The following KCNK10 variants were observed in gnomAD, a reference collection of about 807,000 sequenced individuals.
The protein encoded by KCNK10 is potassium two pore domain channel subfamily K member 10, also known as potassium channel subfamily K member 10.
A neutral mutation model predicts 47.7 loss-of-function variants in KCNK10; 25 were observed. The ratio of observed to expected loss-of-function variants is 0.52; its 90% CI spans 0.38 to 0.73. The LOEUF (loss-of-function observed/expected upper bound fraction) is 0.73. KCNK10 is among the 30% of genes least tolerant of loss of function. The pLI is 0.00. For synonymous variants in KCNK10, 303 were observed against 285.6 expected, an observed-to-expected ratio of 1.06 and a Z score of -0.61; for missense variants, 563 against 714.5, an observed-to-expected ratio of 0.79 and a Z score of 2.42.
intron 1 of KCNK10, among the ~76,000 whole-genome samples, chr14:88,312,814 G>C (rs1261670663): frequency 6.6e-6 from 1 of 152,140 alleles, no homozygotes; most frequent in Non-Finnish European, 1.5e-5. Context: ...AATACAAAAA[G>C]TTTGGACTGA....
intron 1 of KCNK10, among the ~76,000 whole-genome samples, chr14:88,294,936 T>C (rs1478266333): frequency 1.3e-5 from 2 of 152,230 alleles, no homozygotes; most frequent in Non-Finnish European, 2.9e-5. Context: ...TTCATGAATA[T>C]TCTAATTCTC....
At chr14:88,225,370 GC>G (rs1885949898) in intron 4 of KCNK10, among the ~76,000 whole-genome samples, 1 of 152,134 alleles carries the variant, frequency 6.6e-6, no homozygotes. Flanking sequence ...CTTTGATGGT[GC>G]TGCAAGGAGC....
rs536244263 is a variant in KCNK10 at position 88,241,141 on chromosome 14, A to G, written c.403-321T>C. Among the ~76,000 whole-genome samples the G allele has an allele frequency of 1.1e-4, 17 of 152,362 alleles. No individual in the cohort carries two copies. The South Asian group carries it at 3.5e-3, about 32-fold the overall frequency. On this transcript the variant is annotated intron_variant, in intron 2 of 6. Transcript: ENST00000319231. ...TTCTGTGCATATACACACACAAAAA[A>G]TGTCTAGAAGAATGTTCACCCAAAG...
intron 3 of KCNK10, among the ~76,000 whole-genome samples, chr14:88,230,586 C>A (rs1261403112): frequency 6.6e-6 from 1 of 152,156 alleles, no homozygotes; most frequent in African/African-American, 2.4e-5. Flanking sequence ...AGTGTGCTTT[C>A]TTATTATGGT....
rs182150210 is a variant in KCNK10 at position 88,313,865 on chromosome 14, T to C, written c.52+8882A>G. The stretch of plus-strand genomic sequence containing the variant: ...TGCATGATGACTCTCTAGGAATGAC[T>C]GAGCACGTATCATCCTGCAAACTGA... On this transcript the variant is annotated intron_variant, in intron 1 of 6. Transcript: ENST00000319231. Among the ~76,000 whole-genome samples the C allele has an allele frequency of 1.9e-3, 282 of 152,380 alleles. 2 individuals carry two copies. Among genetic ancestry groups the C allele is most frequent in the African/African-American group, 6.5e-3 (270 of 41,580 alleles).
chr14:88,210,533 A>G (rs1193051016), intron 4 of KCNK10, among the ~76,000 whole-genome samples: 1 of 152,250 alleles, frequency 6.6e-6, no homozygotes, highest in African/African-American at 2.4e-5. Flanking sequence ...TGGAAACTGG[A>G]TGTCATCCGT....
At chr14:88,281,837 T>A (rs958490794) in intron 1 of KCNK10, among the ~76,000 whole-genome samples, 1 of 151,412 alleles carries the variant, frequency 6.6e-6, no homozygotes, top group African/African-American at 2.4e-5. Flanking sequence ...CATTTGTGTG[T>A]GTGTGTGTGT....
Position 88,185,872 on chromosome 14 carries a change from C to T in KCNK10, c.1295G>A (p.Gly432Glu), listed in dbSNP as rs756477604. 1.1e-5 allele frequency: 18 copies of T among 1,614,088 alleles called. No individual in the cohort carries two copies. In the South Asian group the frequency reaches 1.9e-4, roughly 17 times the overall value. ...CCCATGCTTGTTCAGCTGCTCCGGCCCCTTCAGGCGCAGGTTGTTGGGCCG... is the reference window on the plus strand; with the variant it reads ...CCCATGCTTGTTCAGCTGCTCCGGCTCCTTCAGGCGCAGGTTGTTGGGCCG... Reference protein sequence around the residue: ...NNRPNNLRLKGPEQLNKHGQG... With the variant: ...NNRPNNLRLKEPEQLNKHGQG... Residue 432 changes from glycine to glutamate, a missense_variant, in exon 7 of 7, where the codon GGG becomes GAG. By Grantham distance (98) the Gly-to-Glu change is moderately conservative. Transcript: ENST00000319231. The surrounding 1 kb of genome is among the most constrained non-coding windows in gnomAD (Gnocchi z 4.3).
chr14:88,238,037 T>C (rs1473725641), intron 3 of KCNK10, among the ~76,000 whole-genome samples: 1 of 152,244 alleles, frequency 6.6e-6, no homozygotes, highest in Non-Finnish European at 1.5e-5. Context: ...GCCACTTTCT[T>C]AGCTAGACCT....
chr14:88,201,100 C>T (rs149714022), intron 4 of KCNK10, among the ~76,000 whole-genome samples: 11 of 152,318 alleles, frequency 7.2e-5, no homozygotes, highest in Non-Finnish European at 5.9e-5. Flanking sequence ...TGAACTTGGA[C>T]TTCACATACA....
At chr14:88,287,314 A>T (rs984468852) in intron 1 of KCNK10, among the ~76,000 whole-genome samples, 1 of 152,134 alleles carries the variant, frequency 6.6e-6, no homozygotes, top group Non-Finnish European at 1.5e-5. Context: ...GATTGCCACA[A>T]GTTCTTTTTT....
chr14:88,248,504 G>A (rs897036961), intron 2 of KCNK10, among the ~76,000 whole-genome samples: 4 of 152,220 alleles, frequency 2.6e-5, no homozygotes, highest in South Asian at 4.2e-4. Context: ...TGAGACAGGA[G>A]GATTGCTTGA....
upstream of KCNK10, chr14:88,326,448 A>G: frequency 6.2e-7 from 1 of 1,613,428 alleles, no homozygotes; most frequent in Non-Finnish European, 8.5e-7. Context: ...TGTGTAGAGA[A>G]AAAACATCCA....
At chr14:88,203,079 A>C (rs1885153647) in intron 4 of KCNK10, among the ~76,000 whole-genome samples, 1 of 152,150 alleles carries the variant, frequency 6.6e-6, no homozygotes, top group Non-Finnish European at 1.5e-5. Context: ...TTATATAAAG[A>C]AACAGGGACC....
intron 2 of KCNK10, among the ~76,000 whole-genome samples, chr14:88,242,258 G>C (rs1001685910): frequency 6.6e-6 from 1 of 152,192 alleles, no homozygotes; most frequent in Admixed American, 6.5e-5. Flanking sequence ...TCTTTCATCT[G>C]AGTTATTTCA....
chr14:88,286,809 G>C (rs912679903), intron 1 of KCNK10, among the ~76,000 whole-genome samples: 2 of 152,152 alleles, frequency 1.3e-5, no homozygotes, highest in African/African-American at 4.8e-5. Flanking sequence ...CCATGATTCA[G>C]TTACTTCCCA....
In KCNK10 at chr14:88,240,690, A is replaced by G. The variant is rs186021405; in HGVS notation, c.520+13T>C. On this transcript the variant is annotated intron_variant, in intron 3 of 6. Coordinates refer to ENST00000319231, the MANE Select transcript of KCNK10 (RefSeq NM_138317.3). Reference sequence around the variant, plus strand: ...ACCTGCAGAGGAAGAGATATTAGCAAACAAACGGGTACCTATGGTCGTAAT... The same window carrying G: ...ACCTGCAGAGGAAGAGATATTAGCAGACAAACGGGTACCTATGGTCGTAAT... 62 of 1,554,898 alleles carry G rather than the reference A, an allele frequency of 4.0e-5. No homozygotes were observed. In the East Asian group the frequency reaches 8.1e-4, roughly 20 times the overall value.
chr14:88,196,193 T>G (rs910256622), intron 4 of KCNK10, among the ~76,000 whole-genome samples: 19 of 152,194 alleles, frequency 1.2e-4, no homozygotes, highest in Admixed American at 1.2e-3. Flanking sequence ...ATACAAACTA[T>G]AGGAATTTTT....
At chr14:88,219,841 C>T (rs1056648966) in intron 4 of KCNK10, among the ~76,000 whole-genome samples, 12 of 152,112 alleles carry the variant, frequency 7.9e-5, no homozygotes, top group African/African-American at 2.4e-4. Context: ...CAGTGGATGC[C>T]GATGCCGATG....
Sources: allele counts gnomAD v4.1 joint callset (sites outside exome capture counted in the v4.1 genomes callset), GRCh38; gene constraint gnomAD v4.1.1; non-coding constraint Gnocchi (gnomAD v3.1); transcripts MANE v1.5; gene names NCBI Gene and HGNC (gene_info 2026-07-23, HGNC 2026-07-21).